DUSP10: variants seen among roughly 807,000 people sequenced by gnomAD.
DUSP10 encodes the protein dual specificity protein phosphatase 10.
DUSP10 carries 14 observed loss-of-function variants against 30.8 expected under a neutral mutation model. That is an observed-to-expected ratio of 0.46 (90% CI 0.30 to 0.71). DUSP10 has a LOEUF of 0.71. DUSP10 is among the 30% of genes least tolerant of loss of function. The pLI, the probability that DUSP10 is intolerant of heterozygous loss-of-function variation, is 0.08. For synonymous variants in DUSP10, 254 were observed against 250.4 expected (o/e 1.01, Z -0.14); for missense variants, 550 against 619.4 (o/e 0.89, Z 1.19).
chr1:221,703,776 T>C (rs1158116792), intron 3 of DUSP10, among the ~76,000 whole-genome samples: 1 of 152,080 alleles, frequency 6.6e-6, no homozygotes, highest in African/African-American at 2.4e-5. Flanking sequence ...GAACACCAAT[T>C]AGATAAACAG....
At chr1:221,735,019 T>C (rs1296515889) in intron 2 of DUSP10, among the ~76,000 whole-genome samples, 1 of 152,172 alleles carries the variant, frequency 6.6e-6, no homozygotes, top group Non-Finnish European at 1.5e-5. Context: ...TAAGAGTATA[T>C]TTCAGAATTC....
At position 221,702,636 on chromosome 1, in the gene DUSP10, G is replaced by C; in HGVS notation, c.1225C>G (p.Gln409Glu). The change falls in exon 4 of 4, where the codon CAG becomes GAG. Residue 409 changes from glutamine to glutamate, a missense_variant. Physicochemically the swap from Gln to Glu is conservative, Grantham distance 29 (BLOSUM62 2). Transcript: ENST00000366899. This position sits in a 1 kb window ranked among gnomAD's most constrained non-coding sequence, Gnocchi z 4.5. ...QCGKGLLIHC[Q>E]AGVSRSATIV... ...GTGGCGGAGCGGGACACCCCAGCCT[G>C]GCAGTGGATGAGAAGCCCCTTCCCA... 4.3e-6 allele frequency: 7 copies of C among 1,614,156 alleles called. No individual in the cohort carries two copies. The highest frequency in any genetic ancestry group is 5.9e-6 in the Non-Finnish European group (7 of 1,180,020).
intron 2 of DUSP10, among the ~76,000 whole-genome samples, chr1:221,731,634 C>T (rs1440184276): frequency 8.5e-6 from 1 of 117,986 alleles, no homozygotes; most frequent in East Asian, 2.4e-4. Context: ...TTTTTTGCGA[C>T]AGAGTCTCAC....
intron 2 of DUSP10, among the ~76,000 whole-genome samples, chr1:221,733,670 CA>C (rs1055344580): frequency 6.6e-6 from 1 of 152,230 alleles, no homozygotes; most frequent in Non-Finnish European, 1.5e-5. Flanking sequence ...TACTTTGTAT[CA>C]CCTTGTTTCA....
In DUSP10 at chr1:221,724,694, A is replaced by C. The variant is rs565943801; in HGVS notation, c.811+14240T>G. Among the ~76,000 whole-genome samples, 13 of 152,326 alleles carry C rather than the reference A, an allele frequency of 8.5e-5. 1 individual carries two copies. Among genetic ancestry groups the C allele is most frequent in the Admixed American group, 8.5e-4 (13 of 15,302 alleles). ...TGTTCCCATTCTACAAATGTTAACT[A>C]AAATATGTGTTTGTTTGCATGTGAA... On this transcript the variant is annotated intron_variant, in intron 2 of 3. Coordinates refer to ENST00000366899, the MANE Select transcript of DUSP10 (RefSeq NM_007207.6).
intron 2 of DUSP10, among the ~76,000 whole-genome samples, chr1:221,712,057 C>A (rs1178782870): frequency 6.6e-6 from 1 of 152,150 alleles, no homozygotes; most frequent in African/African-American, 2.4e-5. Flanking sequence ...CCAGCTCGAT[C>A]CACAAAGATT....
At chr1:221,738,678 G>A (rs573204085) in intron 2 of DUSP10, among the ~76,000 whole-genome samples, 1 of 152,366 alleles carries the variant, frequency 6.6e-6, no homozygotes, top group African/African-American at 2.4e-5. Flanking sequence ...AACAGTCCCA[G>A]AGAGGTGAAA....
At position 221,702,352 on chromosome 1, in the gene DUSP10, C is replaced by T; in HGVS notation, c.*60G>A. The T allele has an allele frequency of 6.5e-7, 1 of 1,542,382 alleles. No homozygotes were observed. The highest frequency in any genetic ancestry group is 8.7e-7 in the Non-Finnish European group (1 of 1,145,364). On this transcript the variant is annotated 3_prime_UTR_variant, in exon 4 of 4. Transcript: ENST00000366899. The surrounding 1 kb of genome is among the most constrained non-coding windows in gnomAD (Gnocchi z 4.5). ...AAAAGAAAGAAAAAAAACCAGAATC[C>T]ATCCTCCTTCCTCATTGTCTCCTAA...
chr1:221,726,705 A>G (rs1303296897), intron 2 of DUSP10, among the ~76,000 whole-genome samples: 2 of 149,546 alleles, frequency 1.3e-5, no homozygotes, highest in African/African-American at 4.9e-5. Context: ...ATTTCAGGAA[A>G]AAAAAAAAAA....
chr1:221,725,121 T>C (rs1203285230), intron 2 of DUSP10, among the ~76,000 whole-genome samples: 1 of 152,066 alleles, frequency 6.6e-6, no homozygotes, highest in African/African-American at 2.4e-5. Context: ...TTCTGTGCCC[T>C]CTCAGGCTAC....
chr1:221,734,760 GC>G (rs2102651131), intron 2 of DUSP10, among the ~76,000 whole-genome samples: 1 of 152,232 alleles, frequency 6.6e-6, no homozygotes, highest in Non-Finnish European at 1.5e-5. Context: ...TTGCTACAAG[GC>G]TAATGTTTGA....
intron 2 of DUSP10, among the ~76,000 whole-genome samples, chr1:221,716,590 A>G (rs1041600226): frequency 2.6e-5 from 4 of 152,212 alleles, no homozygotes; most frequent in Non-Finnish European, 5.9e-5. Context: ...AAAAATGCCA[A>G]CTAAAGAAAA....
chr1:221,734,260 T>G (rs999369077), intron 2 of DUSP10, among the ~76,000 whole-genome samples: 2 of 152,262 alleles, frequency 1.3e-5, no homozygotes, highest in African/African-American at 4.8e-5. Context: ...CAAATTTCCC[T>G]AAAACAAATA....
chr1:221,705,834 C>G (rs1037595678), intron 3 of DUSP10, among the ~76,000 whole-genome samples: 13 of 152,182 alleles, frequency 8.5e-5, no homozygotes, highest in African/African-American at 2.7e-4. Flanking sequence ...TCACTGAGAA[C>G]TTGAGGGATG....
intron 2 of DUSP10, among the ~76,000 whole-genome samples, chr1:221,731,218 T>G (rs2102646769): frequency 6.6e-6 from 1 of 152,292 alleles, no homozygotes; most frequent in African/African-American, 2.4e-5. Context: ...AGAGACAGGT[T>G]TTCATCCCAC....
intron 2 of DUSP10, among the ~76,000 whole-genome samples, chr1:221,729,526 C>T (rs185551405): frequency 5.2e-4 from 79 of 152,270 alleles, no homozygotes; most frequent in Non-Finnish European, 1.0e-3. Flanking sequence ...TTAATCTGTT[C>T]CTCAGATTCC....
At chr1:221,710,640 T>A (rs1236271257) in intron 2 of DUSP10, among the ~76,000 whole-genome samples, 1 of 152,202 alleles carries the variant, frequency 6.6e-6, no homozygotes, top group East Asian at 1.9e-4. Flanking sequence ...AACCAAGGTA[T>A]CCGAGCAGTT....
chr1:221,722,997 AAC>A (rs1422351115), intron 2 of DUSP10, among the ~76,000 whole-genome samples: 1 of 152,214 alleles, frequency 6.6e-6, no homozygotes, highest in Non-Finnish European at 1.5e-5. Flanking sequence ...ATGATTAAAA[AAC>A]ACAACAAAAA....
chr1:221,712,954 A>G (rs1214048768), intron 2 of DUSP10, among the ~76,000 whole-genome samples: 1 of 152,194 alleles, frequency 6.6e-6, no homozygotes, highest in Admixed American at 6.5e-5. Context: ...TTTTGTGTGT[A>G]CAATAGCCAT....
Sources: allele counts gnomAD v4.1 joint callset (sites outside exome capture counted in the v4.1 genomes callset), GRCh38; gene constraint gnomAD v4.1.1; non-coding constraint Gnocchi (gnomAD v3.1); transcripts MANE v1.5; gene names NCBI Gene and HGNC (gene_info 2026-07-23, HGNC 2026-07-21).